Variants in TTC27 observed in about 807,000 individuals in gnomAD.
TTC27 encodes the protein tetratricopeptide repeat domain 27.
Under a neutral mutation model 115.9 loss-of-function variants are expected in TTC27, and 79 were observed. That is an observed-to-expected ratio of 0.68 (90% CI 0.57 to 0.82). The LOEUF is 0.82. Among genes scored for constraint, TTC27 ranks in the 40% least tolerant of loss-of-function variants. The probability of loss-of-function intolerance (pLI) is 0.00; values close to 1 mark genes in which losing one functional copy is unlikely to be tolerated. For synonymous variants in TTC27, 401 were observed against 356.0 expected, an observed-to-expected ratio of 1.13 and a Z score of -1.42; for missense variants, 1,054 against 993.1, an observed-to-expected ratio of 1.06 and a Z score of -0.82.
chr2:32,804,070 A>C (rs1299672010), intron 16 of TTC27, among the ~76,000 whole-genome samples: 2 of 152,142 alleles, frequency 1.3e-5, no homozygotes, highest in African/African-American at 4.8e-5. Flanking sequence ...TTAGTCAATA[A>C]ACATTTGGAA....
chr2:32,731,471 G>T (rs1445010370), intron 10 of TTC27, among the ~76,000 whole-genome samples: 1 of 152,134 alleles, frequency 6.6e-6, no homozygotes, highest in Non-Finnish European at 1.5e-5. Context: ...ACCTCCTTGG[G>T]CTCAAGTGAT....
intron 10 of TTC27, among the ~76,000 whole-genome samples, chr2:32,723,185 A>G (rs1667982373): frequency 6.6e-6 from 1 of 152,218 alleles, no homozygotes; most frequent in South Asian, 2.1e-4. Context: ...CAGATTCCCA[A>G]GGAGGAACAA....
At chr2:32,768,984 G>C (rs1669732202) in intron 13 of TTC27, among the ~76,000 whole-genome samples, 1 of 152,226 alleles carries the variant, frequency 6.6e-6, no homozygotes, top group Non-Finnish European at 1.5e-5. Context: ...TATTGTAGCA[G>C]AGATTGTTGC....
At chr2:32,803,870 G>A (rs1671042446) in intron 16 of TTC27, among the ~76,000 whole-genome samples, 1 of 152,064 alleles carries the variant, frequency 6.6e-6, no homozygotes, top group African/African-American at 2.4e-5. Context: ...AGCCAGGTGT[G>A]GTGGCATGCA....
At chr2:32,781,876 C>T (rs1207799520) in intron 14 of TTC27, among the ~76,000 whole-genome samples, 1 of 152,218 alleles carries the variant, frequency 6.6e-6, no homozygotes, top group African/African-American at 2.4e-5. Context: ...CCTCCAAAAT[C>T]TCCATTCAGC....
chr2:32,736,933 C>A (rs868167958), intron 12 of TTC27, 117 bp downstream of exon 12: 1 of 1,358,244 alleles, frequency 7.4e-7, no homozygotes. Context: ...CCTTTTTTCA[C>A]TTTTTTTCCA....
chr2:32,669,404 A>T (rs1267803898), intron 7 of TTC27, among the ~76,000 whole-genome samples: 1 of 152,278 alleles, frequency 6.6e-6, no homozygotes, highest in Non-Finnish European at 1.5e-5. Context: ...TATGGATTAG[A>T]TAGAAACATA....
At chr2:32,736,904 G>A in intron 12 of TTC27, 88 bp downstream of exon 12, 2 of 1,483,400 alleles carry the variant, frequency 1.3e-6, no homozygotes, top group Non-Finnish European at 9.0e-7. Flanking sequence ...ACCCACTTTT[G>A]CCAATATTCA....
chr2:32,688,015 A>G (rs1269612949), intron 9 of TTC27, among the ~76,000 whole-genome samples: 1 of 152,214 alleles, frequency 6.6e-6, no homozygotes, highest in East Asian at 1.9e-4. Flanking sequence ...TGGTAAGTGC[A>G]GCAAGACCAT....
At chr2:32,763,619 A>G (rs1313164624) in intron 13 of TTC27, among the ~76,000 whole-genome samples, 1 of 152,242 alleles carries the variant, frequency 6.6e-6, no homozygotes, top group Non-Finnish European at 1.5e-5. Context: ...ATTGAGTGAG[A>G]GCTCAAGTTT....
chr2:32,680,677 A>G (rs1666387477), intron 9 of TTC27, among the ~76,000 whole-genome samples: 1 of 152,136 alleles, frequency 6.6e-6, no homozygotes, highest in Non-Finnish European at 1.5e-5. Context: ...GGTGACCTGG[A>G]TGCTTGGCTT....
chr2:32,794,543 A>G (rs1349675990), intron 16 of TTC27, among the ~76,000 whole-genome samples: 1 of 152,200 alleles, frequency 6.6e-6, no homozygotes, highest in African/African-American at 2.4e-5. Context: ...TAAAGAGCAA[A>G]CTAAACCCAA....
At chr2:32,717,222 C>A (rs754008447) in intron 10 of TTC27, among the ~76,000 whole-genome samples, 6 of 152,132 alleles carry the variant, frequency 3.9e-5, no homozygotes, top group Non-Finnish European at 5.9e-5. Context: ...GATACTCCCA[C>A]CTCAGCCTCC....
chr2:32,660,638 G>A (rs1237747481), intron 5 of TTC27, among the ~76,000 whole-genome samples: 1 of 152,102 alleles, frequency 6.6e-6, no homozygotes, highest in African/African-American at 2.4e-5. Flanking sequence ...TTGTAAATTT[G>A]TTTAAGTTCT....
chr2:32,722,102 G>T (rs945170162), intron 10 of TTC27, among the ~76,000 whole-genome samples: 2 of 152,144 alleles, frequency 1.3e-5, no homozygotes, highest in African/African-American at 4.8e-5. Flanking sequence ...GAAAACTGCC[G>T]TTCCTTCATA....
chr2:32,641,534 G>A (rs1013480531), intron 4 of TTC27, among the ~76,000 whole-genome samples: 4 of 152,216 alleles, frequency 2.6e-5, no homozygotes, highest in African/African-American at 4.8e-5. Flanking sequence ...CTGGATTTGC[G>A]CACAGGCTGT....
At chr2:32,686,798 T>A (rs965342779) in intron 9 of TTC27, among the ~76,000 whole-genome samples, 20 of 152,138 alleles carry the variant, frequency 1.3e-4, no homozygotes, top group African/African-American at 4.3e-4. Flanking sequence ...TGGAGATGAC[T>A]TTTTTGCTTG....
chr2:32,801,278 C>G (rs1047364599), intron 16 of TTC27, among the ~76,000 whole-genome samples: 4 of 152,190 alleles, frequency 2.6e-5, no homozygotes, highest in African/African-American at 9.7e-5. Flanking sequence ...CCACTGAGTT[C>G]TAGAGACCAG....
intron 15 of TTC27, among the ~76,000 whole-genome samples, chr2:32,783,762 G>A (rs1483808444): frequency 2.0e-5 from 3 of 152,338 alleles, no homozygotes; most frequent in Non-Finnish European, 2.9e-5. Context: ...CCAACTAAAC[G>A]GGCTTATTGA....
Sources: allele counts gnomAD v4.1 joint callset (sites outside exome capture counted in the v4.1 genomes callset), GRCh38; gene constraint gnomAD v4.1.1; transcripts MANE v1.5; gene names NCBI Gene and HGNC (gene_info 2026-07-23, HGNC 2026-07-21).